ELOB: variants seen among roughly 807,000 people sequenced by gnomAD.
ELOB encodes the protein elongin-B.
In ELOB, 3 loss-of-function variants were observed where a neutral mutation model predicts 12.9. The ratio of observed to expected loss-of-function variants is 0.23; its 90% confidence interval spans 0.11 to 0.60. The LOEUF (loss-of-function observed/expected upper bound fraction) is 0.60. Among genes scored for constraint, ELOB ranks in the 20% least tolerant of loss-of-function variants. The pLI is 0.89. For synonymous variants in ELOB, 84 were observed against 67.4 expected (o/e 1.25, Z -1.21); for missense variants, 126 against 159.2 (o/e 0.79, Z 1.12).
chr16:2,772,369 C>T (rs2068764943), intron 3 of ELOB: 2 of 280,024 alleles, frequency 7.1e-6, no homozygotes, highest in South Asian at 1.2e-4. Flanking sequence ...CTTCCATGTC[C>T]ACTAGTGAGT....
At chr16:2,772,294 C>G (rs1347973972) in intron 3 of ELOB, 192 bp from the exon 4 acceptor site, 24 of 576,832 alleles carry the variant, frequency 4.2e-5, no homozygotes, top group Non-Finnish European at 6.2e-5. Context: ...GTCTCCTACC[C>G]CTGTGGGCCC....
intron 2 of ELOB, among the ~76,000 whole-genome samples, chr16:2,776,166 A>G (rs909926616): frequency 6.6e-6 from 1 of 152,248 alleles, no homozygotes; most frequent in African/African-American, 2.4e-5. Flanking sequence ...AGAAACATAA[A>G]GCACTAAGTA....
rs1472374164 is a variant in ELOB at position 2,771,483 on chromosome 16, A to T, written c.*507T>A. 6.2e-7 allele frequency: 1 copy of T among 1,614,226 alleles called. No individual in the cohort carries two copies. On this transcript the variant is annotated 3_prime_UTR_variant, in exon 4 of 4. Coordinates refer to ENST00000409906, the MANE Select transcript of ELOB (RefSeq NM_007108.4). Reference sequence around the variant, plus strand: ...ACTTCCCTCCGTGATTACAGCCCCCAGCGTGGGTGGACCTGTGTGGGTCCG... The same window carrying T: ...ACTTCCCTCCGTGATTACAGCCCCCTGCGTGGGTGGACCTGTGTGGGTCCG...
At chr16:2,775,592 C>T (rs756514597) in intron 2 of ELOB, 36 bp from the exon 3 acceptor site, 78 of 1,574,158 alleles carry the variant, frequency 5.0e-5, no homozygotes, top group African/African-American at 2.0e-4. Context: ...AGAGGCCCTA[C>T]ATGGGGCAAG....
Position 2,777,224 on chromosome 16 carries a change from C to A in ELOB, c.3+13G>T, listed in dbSNP as rs1043146163. 9 of 1,013,788 alleles carry A rather than the reference C, an allele frequency of 8.9e-6. No individual in the cohort carries two copies. Among genetic ancestry groups the A allele is most frequent in the African/African-American group, 8.7e-5 (5 of 57,246 alleles). 62.8% of individuals were successfully genotyped at this position (1,013,788 alleles called of 1,614,324 possible). A position where few individuals can be genotyped will look rare whatever the true frequency, so the allele number is the denominator to read the frequency against. On this transcript the variant is annotated intron_variant, in intron 1 of 3. Coordinates refer to ENST00000409906, the MANE Select transcript of ELOB (RefSeq NM_007108.4). Reference sequence around the variant, plus strand: ...CGGCCCGGCCCGGCCGCCCCTCCCCCACGCCCGCTCACCATCGCGGCTGCT... The same window carrying A: ...CGGCCCGGCCCGGCCGCCCCTCCCCAACGCCCGCTCACCATCGCGGCTGCT...
At chr16:2,776,211 C>T (rs1440514788) in intron 2 of ELOB, among the ~76,000 whole-genome samples, 3 of 152,196 alleles carry the variant, frequency 2.0e-5, no homozygotes, top group Admixed American at 6.5e-5. Flanking sequence ...CAGGCACGGT[C>T]ATTTAATATT....
Position 2,772,071 on chromosome 16 carries a change from C to T in ELOB, c.276G>A (p.Pro92=), listed in dbSNP as rs377503334. 1.3e-5 allele frequency: 21 copies of T among 1,612,280 alleles called. No individual in the cohort carries two copies. Among genetic ancestry groups the T allele is most frequent in the African/African-American group, 5.3e-5 (4 of 74,832 alleles). ...DDTFEALCIE[P]FSSPPELPDV... is the part of the protein sequence containing the mutation. ...CGGGCAGCTCTGGCGGGCTGGAAAA[C>T]GGCTCGATGCACAGGGCCTCAAAGG... is the stretch of plus-strand genomic sequence containing the variant. Residue 92 remains proline, a synonymous_variant, in exon 4 of 4, where the codon CCG becomes CCA. Transcript: ENST00000409906.
At chr16:2,776,346 G>A (rs111838652) in intron 2 of ELOB, among the ~76,000 whole-genome samples, 151 of 152,150 alleles carry the variant, frequency 9.9e-4, no homozygotes, top group Admixed American at 1.3e-3. Context: ...ATGCACTTGG[G>A]CGACAACCTC....
At chr16:2,775,644 G>A (rs1056204162) in intron 2 of ELOB, 88 bp from the exon 3 acceptor site, 2 of 1,018,276 alleles carry the variant, frequency 2.0e-6, no homozygotes, top group Admixed American at 2.4e-5. Flanking sequence ...GAAGTCAGAG[G>A]AGGGAAGAGA....
rs1482519422 is a variant in ELOB at position 2,771,782 on chromosome 16, T to C, written c.*208A>G. 4.1e-6 allele frequency: 6 copies of C among 1,463,818 alleles called. No individual in the cohort carries two copies. The highest frequency in any genetic ancestry group is 2.4e-5 in the East Asian group (1 of 40,936). The allele number at this position is 1,463,818 out of a possible 1,614,324, so 90.7% of individuals were successfully genotyped here. A position where few individuals can be genotyped will look rare whatever the true frequency, so the allele number is the denominator to read the frequency against. ...GGTCTCAGGGCAACCCAGGTCCCCA[T>C]GGTGCCTTTAAGCAGCAGGCTGGGC... On this transcript the variant is annotated 3_prime_UTR_variant, in exon 4 of 4. Transcript: ENST00000409906.
At chr16:2,774,153 C>G (rs547828126) in intron 3 of ELOB, among the ~76,000 whole-genome samples, 108 of 152,326 alleles carry the variant, frequency 7.1e-4, no homozygotes, top group Non-Finnish European at 1.1e-3. Flanking sequence ...TCGCTTGAAC[C>G]CGGGAGGCAG....
chr16:2,776,274 C>T (rs934809474), intron 2 of ELOB, among the ~76,000 whole-genome samples: 1 of 152,200 alleles, frequency 6.6e-6, no homozygotes, highest in African/African-American at 2.4e-5. Flanking sequence ...ACCATGGGAG[C>T]TGAGGCTCTG....
intron 3 of ELOB, among the ~76,000 whole-genome samples, chr16:2,774,330 C>T (rs2068786711): frequency 6.6e-6 from 1 of 152,232 alleles, no homozygotes; most frequent in African/African-American, 2.4e-5. Flanking sequence ...GCAGAAAGAG[C>T]CCACAGAAAG....
At chr16:2,774,445 AAGG>A (rs2068787498) in intron 3 of ELOB, among the ~76,000 whole-genome samples, 2 of 152,286 alleles carry the variant, frequency 1.3e-5, no homozygotes, top group South Asian at 2.1e-4. Context: ...ACACCCCTTT[AAGG>A]AGAAGGGAAC....
At chr16:2,774,058 C>T (rs1353508046) in intron 3 of ELOB, among the ~76,000 whole-genome samples, 1 of 152,104 alleles carries the variant, frequency 6.6e-6, no homozygotes, top group Middle Eastern at 3.2e-3. Context: ...GGTGAAACCC[C>T]ATCTCTACTA....
chr16:2,777,130 G>T lies in ELOB; in HGVS notation c.4-3C>A. ...CGCCGGATCATGAGGAACACGTCCT[G>T]GGGGCGGCGGGCCGGCGTGAGCACG... On this transcript the variant is annotated splice_region_variant and splice_polypyrimidine_tract_variant and intron_variant, in intron 1 of 3. Transcript: ENST00000409906. 6.6e-7 allele frequency: 1 copy of T among 1,524,472 alleles called. No homozygotes were observed. Among genetic ancestry groups the T allele is most frequent in the Non-Finnish European group, 8.8e-7 (1 of 1,132,908 alleles). The allele number at this position is 1,524,472 out of a possible 1,614,324, so 94.4% of individuals were successfully genotyped here.
Position 2,777,147 on chromosome 16 carries a change from G to T in ELOB, c.4-20C>A. The T allele has an allele frequency of 6.9e-7, 1 of 1,457,848 alleles. No homozygotes were observed. Among genetic ancestry groups the T allele is most frequent in the Non-Finnish European group, 9.2e-7 (1 of 1,092,628 alleles). 90.3% of individuals were successfully genotyped at this position (1,457,848 alleles called of 1,614,324 possible). A position where few individuals can be genotyped will look rare whatever the true frequency, so the allele number is the denominator to read the frequency against. On this transcript the variant is annotated intron_variant, in intron 1 of 3. Coordinates refer to ENST00000409906, the MANE Select transcript of ELOB (RefSeq NM_007108.4). ...CACGTCCTGGGGGCGGCGGGCCGGC[G>T]TGAGCACGAAGCCCGGGCCCCCCGC...
rs2068748530 is a variant in ELOB, at chr16:2,771,549, A to G, written c.*441T>C. The G allele has an allele frequency of 1.2e-6, 2 of 1,614,114 alleles. No individual in the cohort carries two copies. The highest frequency in any genetic ancestry group is 1.7e-6 in the Non-Finnish European group (2 of 1,180,024). ...GTTGAACATGCTGTCAAACCAGGAC[A>G]CTGGCTCCAGCTTGTGTTTCTGCTC... is the stretch of plus-strand genomic sequence containing the variant. On this transcript the variant is annotated 3_prime_UTR_variant, in exon 4 of 4. Transcript: ENST00000409906.
Position 2,771,546 on chromosome 16 carries a change from G to C in ELOB, c.*444C>G. ...CTCGTTGAACATGCTGTCAAACCAG[G>C]ACACTGGCTCCAGCTTGTGTTTCTG... On this transcript the variant is annotated 3_prime_UTR_variant, in exon 4 of 4. Transcript: ENST00000409906. 1.2e-6 allele frequency: 2 copies of C among 1,614,170 alleles called. No individual in the cohort carries two copies. The highest frequency in any genetic ancestry group is 8.5e-7 in the Non-Finnish European group (1 of 1,180,032).
Sources: gnomAD v4.1 joint callset for allele counts (sites outside exome capture counted in the v4.1 genomes callset) on GRCh38, gnomAD v4.1.1 for gene constraint, MANE v1.5 for transcripts, NCBI Gene and HGNC (gene_info 2026-07-23, HGNC 2026-07-21) for gene names.